TJP1: variants seen among roughly 807,000 people sequenced by gnomAD.
TJP1 encodes tight junction protein ZO-1.
TJP1 carries 43 observed loss-of-function variants against 194.2 expected under a neutral mutation model. That is an observed-to-expected ratio of 0.22 (90% confidence interval 0.17 to 0.29). TJP1 has a LOEUF of 0.29. Among genes scored for constraint, TJP1 ranks in the 10% least tolerant of loss-of-function variants. The probability of loss-of-function intolerance (pLI) is 1.00; values close to 1 mark genes in which losing one functional copy is unlikely to be tolerated. For missense variants in TJP1, 1,971 were observed against 2,185.7 expected (o/e 0.90, Z 1.96); for synonymous variants, 801 against 779.0 (o/e 1.03, Z -0.47).
chr15:29,964,169 T>C (rs928315324), intron 1 of TJP1, among the ~76,000 whole-genome samples: 4 of 152,154 alleles, frequency 2.6e-5, no homozygotes, highest in African/African-American at 9.7e-5. Context: ...GATGAGATCA[T>C]CCTGGATCAT....
At position 29,705,647 on chromosome 15, in the gene TJP1, A is replaced by G. The variant is rs772012909; in HGVS notation, c.4949T>C (p.Ile1650Thr). Residue 1650 changes from isoleucine to threonine, a missense_variant, in exon 26 of 28, where the codon ATA becomes ACA. Ile to Thr is a moderately conservative substitution (Grantham distance 89). Coordinates refer to ENST00000614355, the MANE Select transcript of TJP1 (RefSeq NM_001330239.4). ...FNSNGGVLSS[I>T]ETGVSIIIPQ... ...GATAATTATACTAACACCAGTTTCT[A>G]TGGAACTCAGCACGCCCCCATTGCT... is the stretch of plus-strand genomic sequence containing the variant. 2.5e-6 allele frequency: 4 copies of G among 1,614,054 alleles called. No homozygotes were observed. The highest frequency in any genetic ancestry group is 3.3e-5 in the Admixed American group (2 of 60,010).
At chr15:29,808,937 T>C (rs980462878) in intron 1 of TJP1, among the ~76,000 whole-genome samples, 3 of 152,166 alleles carry the variant, frequency 2.0e-5, no homozygotes, top group African/African-American at 7.2e-5. Flanking sequence ...AAATCAAATC[T>C]GAATCTGATC....
chr15:29,829,225 G>T (rs1296238404), intron 2 of TJP1, among the ~76,000 whole-genome samples: 1 of 152,178 alleles, frequency 6.6e-6, no homozygotes, highest in Non-Finnish European at 1.5e-5. Context: ...AAAACTAAAC[G>T]ATTAACGTGG....
chr15:29,749,125 G>T (rs1178513507), intron 8 of TJP1, among the ~76,000 whole-genome samples: 1 of 151,578 alleles, frequency 6.6e-6, no homozygotes, highest in Non-Finnish European at 1.5e-5. Flanking sequence ...CTTTTCCCCA[G>T]AAGGGTAAGA....
rs564712909 is a variant in TJP1 at position 29,850,615 on chromosome 15, A to G, written c.307-49913T>C. On this transcript the variant is annotated intron_variant, in intron 2 of 28. Transcript: ENST00000356107. ...CTCCCAAAGTGCTGGGATTACAGGCATGAGCCACCGCGCCCAGCCAAATGT... is the reference window on the plus strand; with the variant it reads ...CTCCCAAAGTGCTGGGATTACAGGCGTGAGCCACCGCGCCCAGCCAAATGT... 3.1e-3 allele frequency among the ~76,000 whole-genome samples: 475 copies of G among 151,926 alleles called. 3 individuals carry two copies. The highest frequency in any genetic ancestry group is 2.6e-3 in the Non-Finnish European group (174 of 67,960).
At chr15:29,948,362 A>G (rs959275087) in intron 2 of TJP1, among the ~76,000 whole-genome samples, 2 of 152,004 alleles carry the variant, frequency 1.3e-5, no homozygotes, top group African/African-American at 4.8e-5. Flanking sequence ...TACCTTATTA[A>G]TACCATGTCT....
chr15:29,746,074 T>C (rs564620310), intron 8 of TJP1, among the ~76,000 whole-genome samples: 2 of 152,338 alleles, frequency 1.3e-5, no homozygotes, highest in South Asian at 4.1e-4. Context: ...GAATGATATG[T>C]ACAGACATGA....
At chr15:29,874,334 T>C (rs1390417661) in intron 2 of TJP1, among the ~76,000 whole-genome samples, 1 of 152,150 alleles carries the variant, frequency 6.6e-6, no homozygotes, top group Admixed American at 6.5e-5. Context: ...CACTGTGGGC[T>C]GTCGGAGTCA....
intron 2 of TJP1, among the ~76,000 whole-genome samples, chr15:29,930,502 G>A (rs1309350134): frequency 1.3e-5 from 2 of 152,136 alleles, no homozygotes; most frequent in African/African-American, 4.8e-5. Flanking sequence ...AACAGGTACA[G>A]GAAAATCACT....
At chr15:29,728,349 C>G in intron 15 of TJP1, 1 of 219,440 alleles carries the variant, frequency 4.6e-6, no homozygotes, top group South Asian at 8.4e-5. Context: ...CTGTAACATC[C>G]AGAGAAAATA....
intron 2 of TJP1, among the ~76,000 whole-genome samples, chr15:29,917,249 T>C (rs2054216616): frequency 6.6e-6 from 1 of 152,194 alleles, no homozygotes; most frequent in African/African-American, 2.4e-5. Context: ...TACAATAAGA[T>C]AAACTGAATC....
intron 8 of TJP1, among the ~76,000 whole-genome samples, chr15:29,746,367 G>C (rs2151388891): frequency 6.7e-6 from 1 of 149,888 alleles, no homozygotes; most frequent in African/African-American, 2.4e-5. Flanking sequence ...GACAGAGTGA[G>C]ACTCCGTCTC....
chr15:29,729,242 G>C (rs1472084847), intron 15 of TJP1: 2 of 152,278 alleles, frequency 1.3e-5, no homozygotes, highest in Admixed American at 1.3e-4. Context: ...GGAGGTTGCA[G>C]TGAGCTGAGA....
chr15:29,958,514 T>A (rs1191526952), intron 1 of TJP1, among the ~76,000 whole-genome samples: 2 of 152,226 alleles, frequency 1.3e-5, no homozygotes, highest in African/African-American at 4.8e-5. Context: ...TGAGTTTACT[T>A]TGTCCTCAAC....
intron 7 of TJP1, 76 bp from the exon 8 acceptor site, chr15:29,761,362 A>G: frequency 6.5e-7 from 1 of 1,528,460 alleles, no homozygotes; most frequent in Non-Finnish European, 8.9e-7. Context: ...AGTAATAATG[A>G]AGATAAGCTA....
intron 14 of TJP1, 47 bp downstream of exon 14, chr15:29,732,584 A>T: frequency 6.2e-7 from 1 of 1,612,150 alleles, no homozygotes; most frequent in Non-Finnish European, 8.5e-7. Flanking sequence ...TTTCTTAAAC[A>T]TATTGACGTT....
intron 1 of TJP1, among the ~76,000 whole-genome samples, chr15:29,802,333 G>A (rs764470486): frequency 5.9e-5 from 9 of 151,982 alleles, no homozygotes; most frequent in Non-Finnish European, 1.0e-4. Flanking sequence ...TTCCCACAGC[G>A]ACTTTAATTG....
At chr15:29,859,400 A>C (rs1433239872) in intron 2 of TJP1, among the ~76,000 whole-genome samples, 1 of 152,220 alleles carries the variant, frequency 6.6e-6, no homozygotes, top group Non-Finnish European at 1.5e-5. Flanking sequence ...CCCAAAGTGC[A>C]AGGCATCAGA....
chr15:29,733,275 A>G lies in TJP1; in HGVS notation c.1555T>C (p.Phe519Leu). 1.2e-6 allele frequency: 2 copies of G among 1,613,702 alleles called. No homozygotes were observed. Among genetic ancestry groups the G allele is most frequent in the Non-Finnish European group, 1.7e-6 (2 of 1,179,680 alleles). ...TATTCAAAATGGGTTCTAATATAGA[A>G]AGAATCTCCTACATCTGATTCTACA... ...RIVESDVGDS[F>L]YIRTHFEYEK... Residue 519 changes from phenylalanine to leucine, a missense_variant, in exon 13 of 28, where the codon TTC becomes CTC. This residue lies in a region of TJP1 where 402 missense variants were observed against 484.2 expected (regional missense o/e 0.83). Coordinates refer to ENST00000614355, the MANE Select transcript of TJP1 (RefSeq NM_001330239.4).
Sources: gnomAD v4.1 joint callset for allele counts (sites outside exome capture counted in the v4.1 genomes callset) on GRCh38, gnomAD v4.1.1 for gene constraint, gnomAD v4.1.1 regional missense constraint, MANE v1.5 for transcripts, NCBI Gene and HGNC (gene_info 2026-07-23, HGNC 2026-07-21) for gene names.